The following FHIT variants were observed in gnomAD, a reference collection of about 807,000 sequenced individuals.
The protein encoded by FHIT is fragile histidine triad diadenosine triphosphatase, also known as bis(5'-adenosyl)-triphosphatase.
A neutral mutation model predicts 17.9 loss-of-function variants in FHIT; 19 were observed. The observed-to-expected ratio is 1.06, with a 90% CI of 0.74 to 1.56. The LOEUF (loss-of-function observed/expected upper bound fraction) is 1.56. Among genes scored for constraint, FHIT ranks in the 40% most tolerant of loss-of-function variants. The probability of loss-of-function intolerance (pLI) is 0.00; values close to 1 mark genes in which losing one functional copy is unlikely to be tolerated. For missense variants in FHIT, 248 were observed against 189.2 expected, an observed-to-expected ratio of 1.31 and a Z score of -1.82; for synonymous variants, 81 against 69.7, an observed-to-expected ratio of 1.16 and a Z score of -0.81.
chr3:61,108,448 T>C (rs1299773996), intron 2 of FHIT, among the ~76,000 whole-genome samples: 8 of 152,198 alleles, frequency 5.3e-5, no homozygotes, highest in Admixed American at 6.5e-5. Flanking sequence ...GTGGCTCACA[T>C]TCTGGTGAAG....
intron 8 of FHIT, among the ~76,000 whole-genome samples, chr3:59,901,444 C>G (rs915258742): frequency 2.0e-5 from 3 of 152,052 alleles, no homozygotes; most frequent in Non-Finnish European, 4.4e-5. Context: ...CACAAAAAAT[C>G]CAACTTATAT....
chr3:60,716,867 A>G (rs939346756), intron 4 of FHIT, among the ~76,000 whole-genome samples: 1 of 152,184 alleles, frequency 6.6e-6, no homozygotes, highest in African/African-American at 2.4e-5. Context: ...TAGCTCCATT[A>G]TAATCTTAAG....
At chr3:60,353,807 C>A (rs778428635) in intron 5 of FHIT, among the ~76,000 whole-genome samples, 2 of 152,006 alleles carry the variant, frequency 1.3e-5, no homozygotes, top group African/African-American at 4.8e-5. Context: ...GAGACAGACA[C>A]ACTTTCAAAA....
chr3:61,064,878 G>A (rs1045403102), intron 2 of FHIT, among the ~76,000 whole-genome samples: 1 of 152,118 alleles, frequency 6.6e-6, no homozygotes, highest in African/African-American at 2.4e-5. Flanking sequence ...ATATGCATGT[G>A]CCCAAGTCTA....
intron 3 of FHIT, among the ~76,000 whole-genome samples, chr3:60,899,234 T>C (rs1705980656): frequency 6.6e-6 from 1 of 152,228 alleles, no homozygotes; most frequent in South Asian, 2.1e-4. Flanking sequence ...TTTATTAAAC[T>C]GCATAATTTC....
chr3:59,948,851 C>G (rs1215332839), intron 7 of FHIT, among the ~76,000 whole-genome samples: 1 of 152,134 alleles, frequency 6.6e-6, no homozygotes, highest in South Asian at 2.1e-4. Flanking sequence ...TTTTTCCCCA[C>G]AGTTCCATGA....
At position 60,782,235 on chromosome 3, in the gene FHIT, G is replaced by GTATATATATATATATATATATA. The variant is rs879948599; in HGVS notation, c.-18+39683_-18+39684insTATATATATATATATATATATA. Among the ~76,000 whole-genome samples the GTATATATATATATATATATATA allele has an allele frequency of 1.7e-3, 132 of 76,158 alleles. 1 individual carries two copies. Among genetic ancestry groups the GTATATATATATATATATATATA allele is most frequent in the Admixed American group, 1.9e-3 (15 of 7,902 alleles). 50.0% of individuals were successfully genotyped at this position (76,158 alleles called of 152,430 possible). A position where few individuals can be genotyped will look rare whatever the true frequency, so the allele number is the denominator to read the frequency against. ...AATATTTCATTGTGTGTGTGTGTGT[G>GTATATATATATATATATATATA]TGTATATATATATATATATCACATT... is the stretch of plus-strand genomic sequence containing the variant. On this transcript the variant is annotated intron_variant, in intron 4 of 9. Transcript: ENST00000492590.
chr3:60,593,087 G>A (rs2038144315), intron 4 of FHIT, among the ~76,000 whole-genome samples: 1 of 152,104 alleles, frequency 6.6e-6, no homozygotes, highest in Admixed American at 6.6e-5. Context: ...CAACATCTAG[G>A]GGGAAAATGT....
chr3:61,173,460 T>A (rs1306838099), intron 2 of FHIT, among the ~76,000 whole-genome samples: 1 of 152,192 alleles, frequency 6.6e-6, no homozygotes, highest in East Asian at 1.9e-4. Flanking sequence ...TTATTATTGT[T>A]AGAATGCTTT....
At chr3:60,625,133 T>C (rs1391851016) in intron 4 of FHIT, among the ~76,000 whole-genome samples, 3 of 152,200 alleles carry the variant, frequency 2.0e-5, no homozygotes, top group Non-Finnish European at 4.4e-5. Flanking sequence ...GGTCTTGAAC[T>C]TCTGAGCTCA....
At chr3:60,451,994 A>G (rs2031778829) in intron 5 of FHIT, among the ~76,000 whole-genome samples, 1 of 152,098 alleles carries the variant, frequency 6.6e-6, no homozygotes, top group South Asian at 2.1e-4. Context: ...CCTAACTCCA[A>G]TTGATGTCTC....
In FHIT at chr3:60,998,947, C is replaced by A. The variant is rs537215932; in HGVS notation, c.-111+43100G>T. On this transcript the variant is annotated intron_variant, in intron 3 of 9. Transcript: ENST00000492590. ...ACTTTAAGTGCACAGGAGATCTCCA[C>A]ATAGTAATTTAGAGACACCGTGGGA... Among the ~76,000 whole-genome samples, 76 of 151,854 alleles carry A rather than the reference C, an allele frequency of 5.0e-4. 1 individual carries two copies. The South Asian group carries it at 9.4e-3, about 19-fold the overall frequency.
intron 3 of FHIT, among the ~76,000 whole-genome samples, chr3:60,859,010 T>C (rs1421694569): frequency 2.6e-5 from 4 of 152,222 alleles, no homozygotes; most frequent in African/African-American, 9.6e-5. Flanking sequence ...TGTATATTGA[T>C]ATTCCCTAAA....
intron 7 of FHIT, among the ~76,000 whole-genome samples, chr3:59,951,515 T>A (rs1379658002): frequency 6.6e-6 from 1 of 152,176 alleles, no homozygotes; most frequent in African/African-American, 2.4e-5. Flanking sequence ...GACTCTGACA[T>A]CAGTTTGCGA....
At chr3:59,761,377 CCTT>C (rs1362266013) in intron 8 of FHIT, among the ~76,000 whole-genome samples, 3 of 152,106 alleles carry the variant, frequency 2.0e-5, no homozygotes, top group African/African-American at 7.2e-5. Flanking sequence ...TAGGAATCCC[CCTT>C]CTTCACCCAG....
At chr3:60,783,457 T>G (rs887808875) in intron 4 of FHIT, among the ~76,000 whole-genome samples, 89 of 152,310 alleles carry the variant, frequency 5.8e-4, no homozygotes, top group African/African-American at 2.0e-3. Context: ...GAAATTTGTT[T>G]GTCAGTGGAT....
intron 5 of FHIT, among the ~76,000 whole-genome samples, chr3:60,363,763 G>GT (rs1699998477): frequency 6.6e-6 from 1 of 152,054 alleles, no homozygotes; most frequent in Non-Finnish European, 1.5e-5. Flanking sequence ...GGCCCCCCTG[G>GT]CCCCCCTGGC....
At chr3:60,329,981 TA>T (rs1426154477) in intron 5 of FHIT, among the ~76,000 whole-genome samples, 3 of 152,220 alleles carry the variant, frequency 2.0e-5, no homozygotes, top group Admixed American at 1.3e-4. Context: ...ATCATCAAAT[TA>T]AAAATTAATT....
chr3:60,297,921 A>C (rs1171582046), intron 5 of FHIT, among the ~76,000 whole-genome samples: 1 of 152,076 alleles, frequency 6.6e-6, no homozygotes, highest in African/African-American at 2.4e-5. Context: ...TGTGGTTCTG[A>C]CTGGCCAGCT....
Sources: gnomAD v4.1 joint callset for allele counts (sites outside exome capture counted in the v4.1 genomes callset) on GRCh38, gnomAD v4.1.1 for gene constraint, MANE v1.5 for transcripts, NCBI Gene and HGNC (gene_info 2026-07-23, HGNC 2026-07-21) for gene names.